MAGI2: variants seen among roughly 807,000 people sequenced by gnomAD.
MAGI2 encodes the protein membrane associated guanylate kinase, WW and PDZ domain containing 2, also known as membrane-associated guanylate kinase, WW and PDZ domain-containing protein 2.
A neutral mutation model predicts 133.3 loss-of-function variants in MAGI2; 35 were observed. The ratio of observed to expected loss-of-function variants is 0.26; its 90% CI spans 0.20 to 0.35. The LOEUF is 0.35. Among genes scored for constraint, MAGI2 ranks in the 10% least tolerant of loss-of-function variants. MAGI2 has a pLI of 1.00. For synonymous variants in MAGI2, 729 were observed against 710.6 expected, an observed-to-expected ratio of 1.03 and a Z score of -0.41; for missense variants, 1,636 against 1,863.4, an observed-to-expected ratio of 0.88 and a Z score of 2.25.
At chr7:79,314,988 C>T (rs1838591063) in intron 1 of MAGI2, among the ~76,000 whole-genome samples, 1 of 152,110 alleles carries the variant, frequency 6.6e-6, no homozygotes, top group Non-Finnish European at 1.5e-5. Context: ...CCCTGGACTG[C>T]TCTCTTATGT....
At chr7:79,294,692 T>A (rs1446996342) in intron 1 of MAGI2, among the ~76,000 whole-genome samples, 2 of 151,456 alleles carry the variant, frequency 1.3e-5, no homozygotes, top group Non-Finnish European at 2.9e-5. Context: ...CTATGTTTCA[T>A]TATGTACAAT....
intron 1 of MAGI2, among the ~76,000 whole-genome samples, chr7:79,102,798 C>G (rs2129543350): frequency 6.6e-6 from 1 of 152,260 alleles, no homozygotes; most frequent in South Asian, 2.1e-4. Context: ...GTCGGCTTGG[C>G]TAGGCTACAG....
At chr7:79,105,285 AT>A (rs1818350395) in intron 1 of MAGI2, among the ~76,000 whole-genome samples, 1 of 152,190 alleles carries the variant, frequency 6.6e-6, no homozygotes, top group Admixed American at 6.5e-5. Flanking sequence ...AAGATTAATG[AT>A]TCTTTTAGCT....
intron 2 of MAGI2, among the ~76,000 whole-genome samples, chr7:78,987,814 T>C (rs1468974038): frequency 1.3e-5 from 2 of 151,942 alleles, no homozygotes; most frequent in Non-Finnish European, 2.9e-5. Flanking sequence ...TTCTCTATAT[T>C]AAATATTTTA....
intron 2 of MAGI2, among the ~76,000 whole-genome samples, chr7:78,850,325 CAA>C (rs1793024503): frequency 6.6e-6 from 1 of 152,020 alleles, no homozygotes; most frequent in Non-Finnish European, 1.5e-5. Context: ...TGCTGTAGTG[CAA>C]AGTCTCTATT....
At chr7:78,142,625 T>A (rs1465695775) in intron 16 of MAGI2, among the ~76,000 whole-genome samples, 1 of 152,236 alleles carries the variant, frequency 6.6e-6, no homozygotes, top group East Asian at 1.9e-4. Context: ...AAAGCAACTA[T>A]TCTTCTGTAA....
At position 79,020,765 on chromosome 7, in the gene MAGI2, TA is replaced by T. The variant is rs3069467; in HGVS notation, c.302-13560del. On this transcript the variant is annotated intron_variant, in intron 1 of 21. Transcript: ENST00000354212. ...TGGGTGACAGAGCAAGACTCTGTCT[TA>T]AAAAAAAAAAAAGGAAAGAAAAAAG... Among the ~76,000 whole-genome samples, 361 of 139,066 alleles carry T rather than the reference TA, an allele frequency of 2.6e-3. 1 individual carries two copies. Among genetic ancestry groups the T allele is most frequent in the African/African-American group, 7.9e-3 (295 of 37,432 alleles). The allele number at this position is 139,066 out of a possible 152,430, so 91.2% of individuals were successfully genotyped here.
rs375591612 is a variant in MAGI2 at position 78,897,098 on chromosome 7, A to G, written c.418+109992T>C. Among the ~76,000 whole-genome samples, 45 of 152,248 alleles carry G rather than the reference A, an allele frequency of 3.0e-4. 1 individual carries two copies. The highest frequency in any genetic ancestry group is 1.2e-3 in the East Asian group (6 of 5,186). ...ATATAAGTGAGCCAAAATACTCACAATACAGCCCAATGCATTTAATGGAAC... is the reference window on the plus strand; with the variant it reads ...ATATAAGTGAGCCAAAATACTCACAGTACAGCCCAATGCATTTAATGGAAC... On this transcript the variant is annotated intron_variant, in intron 2 of 21. Coordinates refer to ENST00000354212, the MANE Select transcript of MAGI2 (RefSeq NM_012301.4).
chr7:79,408,086 T>A (rs1487739798), intron 1 of MAGI2, among the ~76,000 whole-genome samples: 3 of 152,132 alleles, frequency 2.0e-5, no homozygotes, highest in African/African-American at 7.2e-5. Context: ...CCGTTTTAAA[T>A]GCTATAAATA....
chr7:78,570,273 C>A (rs1801372034), intron 3 of MAGI2, among the ~76,000 whole-genome samples: 1 of 152,284 alleles, frequency 6.6e-6, no homozygotes, highest in African/African-American at 2.4e-5. Flanking sequence ...TTGCTAAAAT[C>A]TGGACTCTGC....
intron 1 of MAGI2, among the ~76,000 whole-genome samples, chr7:79,309,266 A>G (rs1027450855): frequency 6.6e-6 from 1 of 151,968 alleles, no homozygotes; most frequent in Admixed American, 6.6e-5. Context: ...AAGAAGAATA[A>G]AAGGCAATAC....
chr7:78,775,613 C>G (rs1825931672), intron 2 of MAGI2, among the ~76,000 whole-genome samples: 1 of 151,968 alleles, frequency 6.6e-6, no homozygotes, highest in Admixed American at 6.6e-5. Flanking sequence ...ATGAATCTAC[C>G]CCATCTCTAA....
At chr7:78,520,129 A>G (rs17370909) in intron 4 of MAGI2, among the ~76,000 whole-genome samples, 31,781 of 152,094 alleles carry the variant, frequency 0.21, 3,386 homozygotes, top group South Asian at 0.36. Context: ...GCTAGAGTCC[A>G]TTAATATATT....
intron 1 of MAGI2, among the ~76,000 whole-genome samples, chr7:79,247,445 T>G (rs971551845): frequency 1.3e-5 from 2 of 151,966 alleles, no homozygotes; most frequent in Non-Finnish European, 2.9e-5. Context: ...TGAGACCTCG[T>G]CTCTAAAAAA....
intron 3 of MAGI2, among the ~76,000 whole-genome samples, chr7:78,612,441 T>G (rs1191346142): frequency 6.6e-6 from 1 of 152,094 alleles, no homozygotes; most frequent in Non-Finnish European, 1.5e-5. Flanking sequence ...CGGGATGCTT[T>G]ATAAATAAAG....
intron 20 of MAGI2, among the ~76,000 whole-genome samples, chr7:78,081,142 C>A (rs73362647): frequency 0.063 from 9,650 of 152,180 alleles, 384 homozygotes; most frequent in African/African-American, 0.11. Context: ...CCTATGGGTG[C>A]CTTCCTCGAC....
Position 79,295,962 on chromosome 7 carries a change from T to C in MAGI2, c.301+157058A>G, listed in dbSNP as rs141193635. On this transcript the variant is annotated intron_variant, in intron 1 of 21. Transcript: ENST00000354212. The stretch of plus-strand genomic sequence containing the variant: ...CTTATTTAGACATAGATTTGTCATA[T>C]GCTGTTCTAGTGAAAATGAAAACAG... Among the ~76,000 whole-genome samples the C allele has an allele frequency of 2.2e-3, 339 of 152,334 alleles. 1 individual carries two copies. Among genetic ancestry groups the C allele is most frequent in the African/African-American group, 7.9e-3 (329 of 41,566 alleles).
At chr7:79,043,085 A>G (rs1200960405) in intron 1 of MAGI2, among the ~76,000 whole-genome samples, 1 of 152,104 alleles carries the variant, frequency 6.6e-6, no homozygotes, top group Non-Finnish European at 1.5e-5. Flanking sequence ...CTAAAACAGT[A>G]TTAAGAAGAA....
chr7:78,715,251 CAT>C (rs1211648867), intron 2 of MAGI2, among the ~76,000 whole-genome samples: 2 of 152,094 alleles, frequency 1.3e-5, no homozygotes, highest in Non-Finnish European at 2.9e-5. Context: ...TACTCAGTAA[CAT>C]AAAGTAGAAA....
Sources: allele counts gnomAD v4.1 joint callset (sites outside exome capture counted in the v4.1 genomes callset), GRCh38; gene constraint gnomAD v4.1.1; transcripts MANE v1.5; gene names NCBI Gene and HGNC (gene_info 2026-07-23, HGNC 2026-07-21).